The following PCDHGB2 variants were observed in gnomAD, a reference collection of about 807,000 sequenced individuals.
PCDHGB2 encodes protocadherin gamma-B2.
In PCDHGB2, 55 loss-of-function variants were observed where a neutral mutation model predicts 59.3. The observed-to-expected ratio is 0.93, with a 90% CI of 0.75 to 1.16. The LOEUF (loss-of-function observed/expected upper bound fraction) is 1.16, where lower values mean the gene tolerates loss of function less well. Ranked by LOEUF, PCDHGB2 falls within the 50% of genes most tolerant of loss-of-function variation. PCDHGB2 has a pLI of 0.00. For synonymous variants in PCDHGB2, 516 were observed against 512.0 expected (o/e 1.01, Z -0.11); for missense variants, 1,228 against 1,198.5 (o/e 1.02, Z -0.36).
intron 3 of PCDHGB2, among the ~76,000 whole-genome samples, chr5:141,508,954 C>A (rs2154594435): frequency 6.6e-6 from 1 of 152,170 alleles, no homozygotes; most frequent in Admixed American, 6.5e-5. Context: ...AGAGAAATGT[C>A]AGCGGAATGA....
rs772962568 is a variant in PCDHGB2, at chr5:141,476,311, G to A, written c.2422-18496G>A. The stretch of plus-strand genomic sequence containing the variant: ...ATCTCGGTAGCCTCTCAGCCCGCAG[G>A]TTCCGGGTGGTGTCTGGAGCTAGCC... On this transcript the variant is annotated intron_variant, in intron 1 of 3. Transcript: ENST00000522605. The surrounding 1 kb of genome is among the most constrained non-coding windows in gnomAD (Gnocchi z 7.6). 13 of 1,613,680 alleles carry A rather than the reference G, an allele frequency of 8.1e-6. No individual in the cohort carries two copies. The African/African-American group carries it at 1.5e-4, about 18-fold the overall frequency.
At chr5:141,470,648 C>T (rs1188305813) in intron 1 of PCDHGB2, among the ~76,000 whole-genome samples, 1 of 152,066 alleles carries the variant, frequency 6.6e-6, no homozygotes, top group Non-Finnish European at 1.5e-5. Context: ...TTTGAAGGCC[C>T]CTACCCTTTG....
chr5:141,456,426 A>G (rs2098857765), intron 1 of PCDHGB2, among the ~76,000 whole-genome samples: 1 of 152,210 alleles, frequency 6.6e-6, no homozygotes, highest in Non-Finnish European at 1.5e-5. Context: ...AATTCAAGTT[A>G]TAGTATTGAG....
chr5:141,490,941 A>G lies in PCDHGB2; in HGVS notation c.2422-3866A>G. The G allele has an allele frequency of 6.2e-7, 1 of 1,613,628 alleles. No homozygotes were observed. The highest frequency in any genetic ancestry group is 8.5e-7 in the Non-Finnish European group (1 of 1,179,772). On this transcript the variant is annotated intron_variant, in intron 1 of 3. Coordinates refer to ENST00000522605, the MANE Select transcript of PCDHGB2 (RefSeq NM_018923.3). The surrounding 1 kb of genome is among the most constrained non-coding windows in gnomAD (Gnocchi z 5.4). ...ATAATGCCCCAGCTGTGCTGCACCC[A>G]CGGCCAGACTGGGAACACTCAGCCC... is the stretch of plus-strand genomic sequence containing the variant.
chr5:141,380,676 T>TA (rs1776652796), intron 1 of PCDHGB2, among the ~76,000 whole-genome samples: 1 of 152,246 alleles, frequency 6.6e-6, no homozygotes, highest in Non-Finnish European at 1.5e-5. Flanking sequence ...ATAGGGTATG[T>TA]ATGCTTTGTG....
At chr5:141,460,177 T>C (rs1021646181) in intron 1 of PCDHGB2, among the ~76,000 whole-genome samples, 13 of 152,138 alleles carry the variant, frequency 8.5e-5, no homozygotes, top group African/African-American at 3.1e-4. Context: ...TTGTGGATAT[T>C]TTATCCCAGA....
chr5:141,477,274 G>A lies in PCDHGB2; in HGVS notation c.2422-17533G>A. The A allele has an allele frequency of 2.5e-6, 4 of 1,614,034 alleles. No homozygotes were observed. Among genetic ancestry groups the A allele is most frequent in the East Asian group, 2.2e-5 (1 of 44,880 alleles). ...ACCTGGATGCTGGCGAGAACGGGCT[G>A]GTGACCTGCGAAGTTCCACCGGGTC... On this transcript the variant is annotated intron_variant, in intron 1 of 3. Coordinates refer to ENST00000522605, the MANE Select transcript of PCDHGB2 (RefSeq NM_018923.3). This position sits in a 1 kb window ranked among gnomAD's most constrained non-coding sequence, Gnocchi z 4.9.
In PCDHGB2 at chr5:141,502,614, T is replaced by C. The variant is rs534996288; in HGVS notation, c.2481-2779T>C. Among the ~76,000 whole-genome samples the C allele has an allele frequency of 7.2e-5, 11 of 152,316 alleles. No homozygotes were observed. In the East Asian group the frequency reaches 1.7e-3, roughly 24 times the overall value. ...AGATATTTTAAAATATTTGTGAAAATATAAGTAATCTGTGGATGATACTTT... is the reference window on the plus strand; with the variant it reads ...AGATATTTTAAAATATTTGTGAAAACATAAGTAATCTGTGGATGATACTTT... On this transcript the variant is annotated intron_variant, in intron 2 of 3. Transcript: ENST00000522605.
chr5:141,432,427 C>G lies in PCDHGB2; in HGVS notation c.2422-62380C>G. 5 of 1,614,242 alleles carry G rather than the reference C, an allele frequency of 3.1e-6. No homozygotes were observed. The highest frequency in any genetic ancestry group is 4.2e-6 in the Non-Finnish European group (5 of 1,180,036). On this transcript the variant is annotated intron_variant, in intron 1 of 3. Transcript: ENST00000522605. The surrounding 1 kb of genome is among the most constrained non-coding windows in gnomAD (Gnocchi z 6.0). ...TGAGCCTGTTCGTGCTGGACCAGAA[C>G]GACAATGCGCCCGAGATCCTGTACC... is the stretch of plus-strand genomic sequence containing the variant.
intron 1 of PCDHGB2, chr5:141,366,943 A>G (rs1481461689): frequency 3.9e-6 from 3 of 775,624 alleles, no homozygotes; most frequent in Non-Finnish European, 5.9e-6. Context: ...AGTCTAGCTG[A>G]TATCTGTAGA....
chr5:141,452,494 T>C (rs1186924396), intron 1 of PCDHGB2, among the ~76,000 whole-genome samples: 2 of 152,192 alleles, frequency 1.3e-5, no homozygotes, highest in African/African-American at 4.8e-5. Flanking sequence ...CACACCCATA[T>C]TTATATTTGT....
intron 1 of PCDHGB2, chr5:141,374,936 A>G: frequency 6.2e-7 from 1 of 1,614,030 alleles, no homozygotes; most frequent in Non-Finnish European, 8.5e-7. Context: ...TGTGAAGATT[A>G]CAGAAAAGAT....
chr5:141,389,647 AG>A, intron 1 of PCDHGB2: 10 of 1,612,908 alleles, frequency 6.2e-6, no homozygotes, highest in Non-Finnish European at 8.5e-6. Flanking sequence ...TTGGTGACCA[AG>A]GTAGTGGCGG....
intron 1 of PCDHGB2, chr5:141,376,412 G>C: frequency 6.2e-7 from 1 of 1,614,166 alleles, no homozygotes; most frequent in East Asian, 2.2e-5. Flanking sequence ...CAACTATGCC[G>C]ACACGCTTAT....
chr5:141,395,538 TTGTTTGTG>T (rs2093252084), intron 1 of PCDHGB2: 3 of 225,786 alleles, frequency 1.3e-5, no homozygotes, highest in South Asian at 6.0e-5. Flanking sequence ...AATTTTGCTA[TTGTTTGTG>T]TGTGTGTGTG....
intron 1 of PCDHGB2, chr5:141,410,723 T>G: frequency 7.2e-7 from 1 of 1,391,168 alleles, no homozygotes; most frequent in Non-Finnish European, 9.6e-7. Context: ...ATGTTTAAAA[T>G]CCATAGCTTT....
In PCDHGB2 at chr5:141,432,293, G is replaced by T. The variant is rs765631138; in HGVS notation, c.2422-62514G>T. ...CTACGTGTCCATCAACTCCGACACT[G>T]GGGTACTGTATGCGCTGAGCTCCTT... On this transcript the variant is annotated intron_variant, in intron 1 of 3. Coordinates refer to ENST00000522605, the MANE Select transcript of PCDHGB2 (RefSeq NM_018923.3). The surrounding 1 kb of genome is among the most constrained non-coding windows in gnomAD (Gnocchi z 6.0). 1.2e-6 allele frequency: 2 copies of T among 1,614,136 alleles called. No individual in the cohort carries two copies. Among genetic ancestry groups the T allele is most frequent in the African/African-American group, 1.3e-5 (1 of 74,950 alleles).
At chr5:141,391,498 G>A (rs974621252) in intron 1 of PCDHGB2, 1 of 151,980 alleles carries the variant, frequency 6.6e-6, no homozygotes, top group African/African-American at 2.4e-5. Flanking sequence ...TTTCAGTAGA[G>A]AAAATATTTT....
At chr5:141,400,799 G>C (rs2094077749) in intron 1 of PCDHGB2, 1 of 553,376 alleles carries the variant, frequency 1.8e-6, no homozygotes, top group Non-Finnish European at 3.2e-6. Flanking sequence ...CTTTCTCAAA[G>C]CTAATGAATT....
Sources: gnomAD v4.1 joint callset for allele counts (sites outside exome capture counted in the v4.1 genomes callset) on GRCh38, gnomAD v4.1.1 for gene constraint, Gnocchi (gnomAD v3.1) non-coding constraint, MANE v1.5 for transcripts, NCBI Gene and HGNC (gene_info 2026-07-23, HGNC 2026-07-21) for gene names.